The following EEF1AKMT1 variants were observed in gnomAD, a reference collection of about 807,000 sequenced individuals.
EEF1AKMT1 encodes the protein N-6 adenine-specific DNA methyltransferase 2 (putative).
In EEF1AKMT1, 18 loss-of-function variants were observed where a neutral mutation model predicts 21.0. That is an observed-to-expected ratio of 0.86 (90% CI 0.59 to 1.27). EEF1AKMT1 has a LOEUF of 1.27. Among genes scored for constraint, EEF1AKMT1 ranks in the 50% most tolerant of loss-of-function variants. The probability of loss-of-function intolerance (pLI) is 0.00; values close to 1 mark genes in which losing one functional copy is unlikely to be tolerated. For synonymous variants in EEF1AKMT1, 109 were observed against 94.8 expected (o/e 1.15, Z -0.87); for missense variants, 246 against 258.6 (o/e 0.95, Z 0.33).
chr13:20,743,251 G>C (rs2058882619), intron 2 of EEF1AKMT1, among the ~76,000 whole-genome samples: 4 of 151,996 alleles, frequency 2.6e-5, no homozygotes, highest in Admixed American at 2.6e-4. Context: ...ATTTTTAGTA[G>C]AGAGGAGGTT....
chr13:20,766,298 C>CAAAAAAAAAAAAAAAAGAAAAAAAAA (rs2059031578), intron 1 of EEF1AKMT1, among the ~76,000 whole-genome samples: 2 of 76,764 alleles, frequency 2.6e-5, no homozygotes, highest in East Asian at 5.7e-4. Flanking sequence ...GACTCCATCT[C>CAAAAAAAAAAAAAAAAGAAAAAAAAA]AAAAAAAAAA....
intron 2 of EEF1AKMT1, among the ~76,000 whole-genome samples, chr13:20,739,110 A>C (rs931265448): frequency 3.9e-5 from 6 of 152,056 alleles, no homozygotes; most frequent in African/African-American, 1.4e-4. Context: ...GACCTTCGCC[A>C]AGAGGATTAC....
chr13:20,742,162 G>T (rs1384399405), intron 2 of EEF1AKMT1, among the ~76,000 whole-genome samples: 1 of 152,130 alleles, frequency 6.6e-6, no homozygotes, highest in Non-Finnish European at 1.5e-5. Context: ...CCTCCAAAAA[G>T]GTTGGACCAA....
chr13:20,742,855 G>A (rs1262242607), intron 2 of EEF1AKMT1, among the ~76,000 whole-genome samples: 1 of 152,126 alleles, frequency 6.6e-6, no homozygotes, highest in Non-Finnish European at 1.5e-5. Flanking sequence ...TGGTGGGCAT[G>A]GACATCTGGA....
intron 1 of EEF1AKMT1, among the ~76,000 whole-genome samples, chr13:20,770,343 T>C (rs1397015448): frequency 6.6e-6 from 1 of 152,080 alleles, no homozygotes; most frequent in Non-Finnish European, 1.5e-5. Flanking sequence ...CTGTTCAGTT[T>C]TATAAGATGA....
At chr13:20,735,275 T>C (rs561994123) in intron 3 of EEF1AKMT1, among the ~76,000 whole-genome samples, 1 of 152,246 alleles carries the variant, frequency 6.6e-6, no homozygotes, top group Non-Finnish European at 1.5e-5. Flanking sequence ...CTGAAAGGCC[T>C]ATTTTAAGAA....
chr13:20,732,432 A>T (rs1294039875), intron 3 of EEF1AKMT1, among the ~76,000 whole-genome samples: 1 of 152,088 alleles, frequency 6.6e-6, no homozygotes, highest in African/African-American at 2.4e-5. Context: ...CCTGGGTTCA[A>T]GCTATTCTCC....
intron 1 of EEF1AKMT1, among the ~76,000 whole-genome samples, chr13:20,772,385 C>T (rs994044288): frequency 6.6e-6 from 1 of 152,186 alleles, no homozygotes; most frequent in African/African-American, 2.4e-5. Context: ...AGGGGAACAT[C>T]TGGCAATGCC....
rs117164159 is a variant in EEF1AKMT1, at chr13:20,772,374, A to G, written c.-20+1547T>C. On this transcript the variant is annotated intron_variant, in intron 1 of 4. Coordinates refer to ENST00000382758, the MANE Select transcript of EEF1AKMT1 (RefSeq NM_001318939.2). ...CAGAATGAGGAGCCCTTTTGTCGCT[A>G]AGGGGAACATCTGGCAATGCCTAGA... Among the ~76,000 whole-genome samples, 76 of 152,286 alleles carry G rather than the reference A, an allele frequency of 5.0e-4. No individual in the cohort carries two copies. The East Asian group carries it at 7.3e-3, about 15-fold the overall frequency.
At chr13:20,764,505 G>A (rs909409873) in intron 1 of EEF1AKMT1, among the ~76,000 whole-genome samples, 2 of 152,094 alleles carry the variant, frequency 1.3e-5, no homozygotes, top group Non-Finnish European at 2.9e-5. Flanking sequence ...TTATATAAAT[G>A]TGAATAGATC....
chr13:20,746,746 A>G (rs551182237), intron 2 of EEF1AKMT1, among the ~76,000 whole-genome samples: 26 of 152,296 alleles, frequency 1.7e-4, no homozygotes, highest in African/African-American at 6.0e-4. Flanking sequence ...TTTTTAAGAT[A>G]TCTGAAATAC....
chr13:20,736,451 G>A (rs2058826762), intron 3 of EEF1AKMT1, among the ~76,000 whole-genome samples: 1 of 152,110 alleles, frequency 6.6e-6, no homozygotes, highest in African/African-American at 2.4e-5. Flanking sequence ...TGGTAAGGCT[G>A]TAAACTAAGG....
intron 2 of EEF1AKMT1, among the ~76,000 whole-genome samples, chr13:20,753,351 T>C (rs2058953376): frequency 6.6e-6 from 1 of 152,194 alleles, no homozygotes; most frequent in African/African-American, 2.4e-5. Flanking sequence ...TGTCCAAACA[T>C]AACCACATGG....
At chr13:20,739,184 A>T (rs2872725) in intron 2 of EEF1AKMT1, among the ~76,000 whole-genome samples, 2 of 151,902 alleles carry the variant, frequency 1.3e-5, no homozygotes, top group African/African-American at 4.8e-5. Flanking sequence ...CTTTGCTCCC[A>T]GTGGGTTGGT....
At chr13:20,732,595 A>C (rs1360276785) in intron 3 of EEF1AKMT1, among the ~76,000 whole-genome samples, 2 of 152,148 alleles carry the variant, frequency 1.3e-5, no homozygotes, top group Admixed American at 1.3e-4. Flanking sequence ...GGCCTCCCAA[A>C]GTGCTGGGAT....
chr13:20,748,726 G>GTTTTTTTTTTTTT (rs750094631), intron 2 of EEF1AKMT1, among the ~76,000 whole-genome samples: 39 of 72,608 alleles, frequency 5.4e-4, no homozygotes, highest in Non-Finnish European at 6.7e-4. Context: ...TTTTTTTTTG[G>GTTTTTTTTTTTTT]TTTTTTTTTT....
intron 1 of EEF1AKMT1, 146 bp downstream of exon 1, chr13:20,773,773 TCC>T (rs2059075454): frequency 6.5e-6 from 1 of 152,948 alleles, no homozygotes; most frequent in East Asian, 1.9e-4. Context: ...CCCTCAGGAA[TCC>T]GCCAGCCACT....
intron 2 of EEF1AKMT1, among the ~76,000 whole-genome samples, chr13:20,741,459 T>TA (rs1489438734): frequency 2.2e-4 from 31 of 141,984 alleles, no homozygotes; most frequent in Admixed American, 9.8e-4. Flanking sequence ...GTAATTACTT[T>TA]TTTTTTTTTT....
intron 1 of EEF1AKMT1, among the ~76,000 whole-genome samples, chr13:20,764,346 AT>A (rs141244277): frequency 0.021 from 3,175 of 152,142 alleles, 117 homozygotes; most frequent in African/African-American, 0.073. Flanking sequence ...GTGTTTGGAG[AT>A]TTTCCTATTA....
Sources: allele counts gnomAD v4.1 joint callset (sites outside exome capture counted in the v4.1 genomes callset), GRCh38; gene constraint gnomAD v4.1.1; transcripts MANE v1.5; gene names NCBI Gene and HGNC (gene_info 2026-07-23, HGNC 2026-07-21).